DOCK4: variants seen among roughly 807,000 people sequenced by gnomAD.
The protein encoded by DOCK4 is dedicator of cytokinesis protein 4.
Under a neutral mutation model 268.1 loss-of-function variants are expected in DOCK4, and 97 were observed. The observed-to-expected ratio is 0.36, with a 90% confidence interval of 0.31 to 0.43. DOCK4 has a LOEUF of 0.43. Among genes scored for constraint, DOCK4 ranks in the 20% least tolerant of loss-of-function variants. The pLI, the probability that DOCK4 is intolerant of heterozygous loss-of-function variation, is 1.00. For synonymous variants in DOCK4, 954 were observed against 887.2 expected (o/e 1.08, Z -1.34); for missense variants, 2,145 against 2,455.7 (o/e 0.87, Z 2.67).
intron 1 of DOCK4, among the ~76,000 whole-genome samples, chr7:112,099,603 T>C (rs956872049): frequency 1.3e-5 from 2 of 152,184 alleles, no homozygotes; most frequent in African/African-American, 2.4e-5. Flanking sequence ...TTCATTAAAA[T>C]TGATAAGTTG....
At chr7:111,893,090 T>C (rs1490615235) in intron 16 of DOCK4, among the ~76,000 whole-genome samples, 2 of 152,204 alleles carry the variant, frequency 1.3e-5, no homozygotes, top group Non-Finnish European at 2.9e-5. Context: ...GGATTCTTAG[T>C]ACTAAGTCAA....
chr7:112,007,919 C>G (rs1361624132), intron 1 of DOCK4, among the ~76,000 whole-genome samples: 1 of 152,090 alleles, frequency 6.6e-6, no homozygotes, highest in African/African-American at 2.4e-5. Context: ...TGCATTGTCA[C>G]CAGTTATTAT....
At chr7:111,846,881 G>T in intron 24 of DOCK4, 118 bp downstream of exon 24, 2 of 1,209,692 alleles carry the variant, frequency 1.7e-6, no homozygotes, top group Non-Finnish European at 2.2e-6. Context: ...AGCCCAGCTG[G>T]AAATAAAAGT....
chr7:111,778,340 C>T lies in DOCK4; in HGVS notation c.3615G>A (p.Glu1205=). Residue 1205 remains glutamate, a synonymous_variant, in exon 36 of 53, where the codon GAG becomes GAA. Coordinates refer to ENST00000428084, the MANE Select transcript of DOCK4 (RefSeq NM_001363540.2). ...TGTGAATGTAGCGTATATACATCTCCTCCTTGTTCAGTTCAGTCTTATAGA... is the reference window on the plus strand; with the variant it reads ...TGTGAATGTAGCGTATATACATCTCTTCCTTGTTCAGTTCAGTCTTATAGA... ...LNFYKTELNK[E]EMYIRYIHKL... The T allele has an allele frequency of 6.2e-7, 1 of 1,612,420 alleles. No homozygotes were observed. Among genetic ancestry groups the T allele is most frequent in the South Asian group, 1.1e-5 (1 of 90,994 alleles).
chr7:112,144,465 A>G lies in DOCK4; in HGVS notation c.37+61637T>C, dbSNP rs148444325. On this transcript the variant is annotated intron_variant, in intron 1 of 52. Coordinates refer to ENST00000428084, the MANE Select transcript of DOCK4 (RefSeq NM_001363540.2). ...TTTAGCACCATATGGCTGAGTGAGG[A>G]TCCAAAGGCCACACAAAAAATTGCC... Among the ~76,000 whole-genome samples the G allele has an allele frequency of 2.7e-3, 406 of 152,256 alleles. 1 individual carries two copies. The highest frequency in any genetic ancestry group is 3.9e-3 in the Non-Finnish European group (265 of 68,012).
At chr7:111,994,622 T>A (rs758566457) in intron 4 of DOCK4, among the ~76,000 whole-genome samples, 49 of 152,290 alleles carry the variant, frequency 3.2e-4, no homozygotes, top group Non-Finnish European at 1.2e-4. Flanking sequence ...ACTATAGGAC[T>A]CAAAGAGAGT....
chr7:112,074,039 TA>T (rs771053830), intron 1 of DOCK4, among the ~76,000 whole-genome samples: 14 of 152,058 alleles, frequency 9.2e-5, no homozygotes, highest in Non-Finnish European at 1.3e-4. Context: ...CCAGTAAAAA[TA>T]AAAGAGAAAA....
chr7:111,783,640 T>C (rs899707525), intron 34 of DOCK4, among the ~76,000 whole-genome samples: 14 of 150,994 alleles, frequency 9.3e-5, no homozygotes, highest in African/African-American at 3.4e-4. Flanking sequence ...GAAAGAACTA[T>C]CAAAAAACAA....
chr7:111,748,457 A>C (rs533069992), intron 42 of DOCK4, among the ~76,000 whole-genome samples: 1 of 152,304 alleles, frequency 6.6e-6, no homozygotes, highest in East Asian at 1.9e-4. Flanking sequence ...GAGCAAATGA[A>C]TTAAACAACC....
chr7:112,177,103 T>C (rs1172583786), intron 1 of DOCK4, among the ~76,000 whole-genome samples: 2 of 152,190 alleles, frequency 1.3e-5, no homozygotes, highest in East Asian at 1.9e-4. Context: ...GAACAAGTAG[T>C]TGGGGAGAGA....
At chr7:112,143,121 T>C (rs894947581) in intron 1 of DOCK4, among the ~76,000 whole-genome samples, 2 of 151,858 alleles carry the variant, frequency 1.3e-5, no homozygotes, top group Non-Finnish European at 2.9e-5. Context: ...AACTTTTCTG[T>C]AATTCTAAAA....
chr7:112,107,158 T>TGG (rs1265228331), intron 1 of DOCK4, among the ~76,000 whole-genome samples: 3 of 152,204 alleles, frequency 2.0e-5, no homozygotes, highest in East Asian at 1.9e-4. Flanking sequence ...CACAATCTAA[T>TGG]GGGGGAAAGG....
In DOCK4 at chr7:111,847,454, C is replaced by T. The variant is rs116718542; in HGVS notation, c.2474-328G>A. Among the ~76,000 whole-genome samples the T allele has an allele frequency of 4.1e-3, 614 of 151,474 alleles. 6 individuals carry two copies. Among genetic ancestry groups the T allele is most frequent in the African/African-American group, 0.014 (576 of 41,306 alleles). ...TAGATCGCCTACTGACTTTCTACTA[C>T]GGTAGAAGAGGACTTGGTTGTTTTT... is the stretch of plus-strand genomic sequence containing the variant. On this transcript the variant is annotated intron_variant, in intron 23 of 52. Coordinates refer to ENST00000428084, the MANE Select transcript of DOCK4 (RefSeq NM_001363540.2).
intron 1 of DOCK4, among the ~76,000 whole-genome samples, chr7:112,017,305 G>T (rs1349356721): frequency 6.6e-6 from 1 of 152,178 alleles, no homozygotes; most frequent in Non-Finnish European, 1.5e-5. Context: ...TCTTACAAAG[G>T]ATTTACATTT....
chr7:112,084,328 T>C (rs1808870366), intron 1 of DOCK4, among the ~76,000 whole-genome samples: 1 of 152,212 alleles, frequency 6.6e-6, no homozygotes, highest in Non-Finnish European at 1.5e-5. Flanking sequence ...CCATTACATT[T>C]CAGTACAATT....
intron 30 of DOCK4, among the ~76,000 whole-genome samples, chr7:111,800,626 T>G (rs549244669): frequency 4.0e-4 from 61 of 152,318 alleles, no homozygotes; most frequent in African/African-American, 1.4e-3. Flanking sequence ...GGTGGTAATC[T>G]TAATGCTTAT....
chr7:111,895,481 T>C (rs1808667242), intron 16 of DOCK4, 131 bp downstream of exon 16: 1 of 806,220 alleles, frequency 1.2e-6, no homozygotes, highest in African/African-American at 1.7e-5. Flanking sequence ...GAAAAAGACA[T>C]TCTCCCTGAC....
rs13229750 is a variant in DOCK4, at chr7:111,926,458, A to G, written c.1066+9082T>C. On this transcript the variant is annotated intron_variant, in intron 12 of 52. Transcript: ENST00000428084. Reference sequence around the variant, plus strand: ...AAAGACAGAGAGAGAGAGAGAGAGAAAGAGAAAAAGAAAGAAAGAAAGAAA... The same window carrying G: ...AAAGACAGAGAGAGAGAGAGAGAGAGAGAGAAAAAGAAAGAAAGAAAGAAA... Among the ~76,000 whole-genome samples, 18 of 143,506 alleles carry G rather than the reference A, an allele frequency of 1.3e-4. No individual in the cohort carries two copies. In the East Asian group the frequency reaches 1.4e-3, roughly 11 times the overall value. 94.1% of individuals were successfully genotyped at this position (143,506 alleles called of 152,430 possible).
At chr7:111,993,962 C>G (rs1799728507) in intron 5 of DOCK4, among the ~76,000 whole-genome samples, 173 bp downstream of exon 5, 1 of 152,054 alleles carries the variant, frequency 6.6e-6, no homozygotes, top group Non-Finnish European at 1.5e-5. Context: ...CTTACAAAAC[C>G]CATGCTCAGT....
Sources: gnomAD v4.1 joint callset for allele counts (sites outside exome capture counted in the v4.1 genomes callset) on GRCh38, gnomAD v4.1.1 for gene constraint, MANE v1.5 for transcripts, NCBI Gene and HGNC (gene_info 2026-07-23, HGNC 2026-07-21) for gene names.